OVAAL: variants seen among roughly 807,000 people sequenced by gnomAD.
The protein encoded by OVAAL is long intergenic non-protein coding RNA 1131.
At chr1:180,565,453 T>C (rs1462314125) in exon 3 of OVAAL, 2 of 152,256 alleles carry the variant, frequency 1.3e-5, no homozygotes, top group Admixed American at 1.3e-4. Flanking sequence ...GAGCCTTGTG[T>C]ATCAAAGTGC....
At chr1:180,562,804 T>C (rs1032820580) in intron 2 of OVAAL, among the ~76,000 whole-genome samples, 3 of 152,206 alleles carry the variant, frequency 2.0e-5, no homozygotes, top group Non-Finnish European at 4.4e-5. Context: ...AGGCATGATA[T>C]GTGAGCAGGC....
intron 1 of OVAAL, among the ~76,000 whole-genome samples, chr1:180,561,859 C>T (rs925574386): frequency 6.6e-6 from 1 of 151,956 alleles, no homozygotes; most frequent in Non-Finnish European, 1.5e-5. Flanking sequence ...CCTATCTCTA[C>T]TAATAATACA....
intron 2 of OVAAL, among the ~76,000 whole-genome samples, chr1:180,564,675 C>T (rs555432503): frequency 1.3e-5 from 2 of 152,192 alleles, no homozygotes; most frequent in South Asian, 4.2e-4. Context: ...GTGAGCCAGG[C>T]CAGCAGGTGA....
exon 3 of OVAAL, chr1:180,565,624 T>C (rs1048170908): frequency 4.6e-5 from 7 of 152,116 alleles, no homozygotes; most frequent in African/African-American, 1.7e-4. Context: ...TTCAACCCAA[T>C]GAACTTGAAT....
chr1:180,561,582 T>A (rs565165759), intron 1 of OVAAL, among the ~76,000 whole-genome samples: 17 of 152,264 alleles, frequency 1.1e-4, no homozygotes, highest in African/African-American at 4.1e-4. Flanking sequence ...TGGGAGAACT[T>A]TCTCTGTCAT....
intron 1 of OVAAL, among the ~76,000 whole-genome samples, chr1:180,561,123 C>T (rs535918051): frequency 1.3e-5 from 2 of 152,292 alleles, no homozygotes; most frequent in East Asian, 3.9e-4. Context: ...TTGCTCTGCT[C>T]TTCCCTGGCA....
At chr1:180,560,004 A>C (rs1336766889) in intron 1 of OVAAL, among the ~76,000 whole-genome samples, 2 of 152,148 alleles carry the variant, frequency 1.3e-5, no homozygotes, top group Non-Finnish European at 2.9e-5. Flanking sequence ...ACTATGTGCC[A>C]GGCAGTTTGC....
intron 2 of OVAAL, among the ~76,000 whole-genome samples, chr1:180,563,837 G>C (rs1416925220): frequency 1.3e-5 from 2 of 152,124 alleles, no homozygotes; most frequent in African/African-American, 4.8e-5. Context: ...GGAAGCTGAT[G>C]ATCACCAGTT....
exon 3 of OVAAL, chr1:180,565,899 G>C (rs1189030798): frequency 6.6e-6 from 1 of 152,138 alleles, no homozygotes; most frequent in Non-Finnish European, 1.5e-5. Flanking sequence ...TGAACATACA[G>C]TGCCCTTTAC....
intron 2 of OVAAL, among the ~76,000 whole-genome samples, chr1:180,563,297 G>A (rs1237928975): frequency 3.3e-5 from 5 of 152,218 alleles, no homozygotes; most frequent in Non-Finnish European, 7.3e-5. Flanking sequence ...GATCTCTTAT[G>A]TAGGACTAAC....
chr1:180,559,897 C>T (rs900904999), intron 1 of OVAAL, among the ~76,000 whole-genome samples: 1 of 93,298 alleles, frequency 1.1e-5, no homozygotes, highest in African/African-American at 4.2e-5. Context: ...CAGAGCCAGA[C>T]TCCATTTAAA....
At chr1:180,564,766 G>A (rs1204409681) in intron 2 of OVAAL, among the ~76,000 whole-genome samples, 1 of 152,012 alleles carries the variant, frequency 6.6e-6, no homozygotes, top group East Asian at 1.9e-4. Flanking sequence ...TGATCTCCTA[G>A]GCCAGTGGTT....
intron 2 of OVAAL, among the ~76,000 whole-genome samples, chr1:180,564,475 A>G (rs1379789959): frequency 2.0e-5 from 3 of 152,112 alleles, no homozygotes; most frequent in African/African-American, 7.2e-5. Context: ...ACTGTGTTGT[A>G]TTCAATTCTA....
In OVAAL at chr1:180,566,228, C is replaced by A. The variant is rs1571623518; in HGVS notation, n.1491C>A. ...GTTTGAACGTCTTCGGCTCCTAGAA[C>A]TGCACAAGCTGTGTCTTCAGTGCCC... is the stretch of plus-strand genomic sequence containing the variant. On this transcript the variant is annotated non_coding_transcript_exon_variant, in exon 3 of 3. Coordinates refer to ENST00000673955, the Ensembl canonical transcript of OVAAL. 2.6e-5 allele frequency: 4 copies of A among 152,252 alleles called. No homozygotes were observed. In the South Asian group the frequency reaches 6.2e-4, roughly 24 times the overall value. The allele number at this position is 152,252 out of a possible 1,614,324, so 9.4% of individuals were successfully genotyped here.
chr1:180,564,599 C>G (rs1420877566), intron 2 of OVAAL, among the ~76,000 whole-genome samples: 1 of 152,166 alleles, frequency 6.6e-6, no homozygotes, highest in Admixed American at 6.5e-5. Context: ...ACCTGAGCCA[C>G]TAAAATCAGC....
At position 180,560,761 on chromosome 1, in the gene OVAAL, C is replaced by T. The variant is rs190302187; in HGVS notation, n.373-1443C>T. Among the ~76,000 whole-genome samples the T allele has an allele frequency of 4.6e-5, 7 of 152,240 alleles. No homozygotes were observed. In the East Asian group the frequency reaches 1.2e-3, roughly 25 times the overall value. ...AGTTTACAAGCTGTTGCAACTTTGC[C>T]CTCCAACAAATTATGTTAGTACTAA... On this transcript the variant is annotated intron_variant and non_coding_transcript_variant, in intron 1 of 2. Transcript: ENST00000673955.
intron 2 of OVAAL, among the ~76,000 whole-genome samples, chr1:180,563,997 G>T (rs941865381): frequency 6.6e-6 from 1 of 152,136 alleles, no homozygotes; most frequent in African/African-American, 2.4e-5. Context: ...CTTCTGTCCT[G>T]TTTGTGTCTG....
At chr1:180,563,787 C>G (rs1653247267) in intron 2 of OVAAL, among the ~76,000 whole-genome samples, 1 of 152,142 alleles carries the variant, frequency 6.6e-6, no homozygotes, top group African/African-American at 2.4e-5. Context: ...TCTTGGTGCT[C>G]ATGTGTGAGT....
rs137902834 is a variant in OVAAL at position 180,564,953 on chromosome 1, G to A, written n.514-298G>A. On this transcript the variant is annotated intron_variant and non_coding_transcript_variant, in intron 2 of 2. Transcript: ENST00000673955. ...ATGAGAACCATTGTCCTATGCCCTC[G>A]CTCTGTTCCCAGTGGCATCAGTTCT... Among the ~76,000 whole-genome samples, 566 of 152,200 alleles carry A rather than the reference G, an allele frequency of 3.7e-3. 5 individuals carry two copies. Among genetic ancestry groups the A allele is most frequent in the African/African-American group, 0.012 (516 of 41,540 alleles).
Sources: allele counts gnomAD v4.1 joint callset (sites outside exome capture counted in the v4.1 genomes callset), GRCh38; gene constraint gnomAD v4.1.1; transcripts MANE v1.5; gene names NCBI Gene and HGNC (gene_info 2026-07-23, HGNC 2026-07-21).